Variants in KCNN4 observed in about 807,000 individuals in gnomAD.
The protein encoded by KCNN4 is intermediate conductance calcium-activated potassium channel protein 4.
Under a neutral mutation model 45.2 loss-of-function variants are expected in KCNN4, and 31 were observed. The ratio of observed to expected loss-of-function variants is 0.69; its 90% CI spans 0.52 to 0.92. The LOEUF is 0.92. KCNN4 is among the 40% of genes least tolerant of loss of function. The pLI is 0.00. For missense variants in KCNN4, 463 were observed against 574.0 expected (o/e 0.81, Z 1.98); for synonymous variants, 231 against 254.6 (o/e 0.91, Z 0.88).
chr19:43,771,021 C>A (rs1462078822), intron 4 of KCNN4, among the ~76,000 whole-genome samples: 1 of 152,172 alleles, frequency 6.6e-6, no homozygotes, highest in Non-Finnish European at 1.5e-5. Context: ...ATATGTCCTT[C>A]CTAGGCCCAC....
intron 2 of KCNN4, among the ~76,000 whole-genome samples, chr19:43,776,332 G>T (rs975491803): frequency 6.6e-6 from 1 of 151,378 alleles, no homozygotes; most frequent in Non-Finnish European, 1.5e-5. Context: ...GGGGGCTGGG[G>T]ACTACAGGGG....
intron 1 of KCNN4, among the ~76,000 whole-genome samples, chr19:43,780,323 T>C (rs2146473315): frequency 1.3e-5 from 2 of 150,778 alleles, no homozygotes; most frequent in South Asian, 4.2e-4. Flanking sequence ...AAGCCCCTCC[T>C]CCCTCAGACC....
rs1969497857 is a variant in KCNN4, at chr19:43,767,061, G to T, written c.*32C>A. 1.7e-5 allele frequency: 3 copies of T among 173,324 alleles called. No individual in the cohort carries two copies. In the South Asian group the frequency reaches 3.8e-4, roughly 22 times the overall value. The allele number at this position is 173,324 out of a possible 1,614,324, so 10.7% of individuals were successfully genotyped here. On this transcript the variant is annotated 3_prime_UTR_variant, in exon 9 of 9. Transcript: ENST00000648319. ...CGATGTCCACCACCTCAGTACTGGG[G>T]AAAGTAGCCTGGTTCCTCCTCGTGG...
At chr19:43,775,093 C>T (rs1005499969) in intron 2 of KCNN4, among the ~76,000 whole-genome samples, 1 of 152,146 alleles carries the variant, frequency 6.6e-6, no homozygotes, top group Admixed American at 6.5e-5. Context: ...TGGGAGGCTG[C>T]GGTGGGTGGA....
rs771034051 is a variant in KCNN4, at chr19:43,774,395, G to C, written c.480C>G (p.Leu160=). 6.2e-7 allele frequency: 1 copy of C among 1,601,506 alleles called. No individual in the cohort carries two copies. Among genetic ancestry groups the C allele is most frequent in the Non-Finnish European group, 8.5e-7 (1 of 1,174,408 alleles). ...GGAGCACGGCGCGGGGCACCAGGTAGAGACGCAGCAGCATGGCCAGGGACA... is the reference window on the plus strand; with the variant it reads ...GGAGCACGGCGCGGGGCACCAGGTACAGACGCAGCAGCATGGCCAGGGACA... ...ALLSLAMLLR[L]YLVPRAVLLR... is the part of the protein sequence containing the mutation. Residue 160 remains leucine (L), a synonymous_variant, in exon 3 of 9, where the codon CTC becomes CTG. Transcript: ENST00000648319. This position sits in a 1 kb window ranked among gnomAD's most constrained non-coding sequence, Gnocchi z 5.6.
chr19:43,774,311 G>C lies in KCNN4; in HGVS notation c.564C>G (p.Val188=), dbSNP rs774565459. The C allele has an allele frequency of 3.7e-6, 6 of 1,612,092 alleles. No homozygotes were observed. In the African/African-American group the frequency reaches 6.7e-5, roughly 18 times the overall value. Residue 188 remains valine, a synonymous_variant, in exon 3 of 9, where the codon GTC becomes GTG. Coordinates refer to ENST00000648319, the MANE Select transcript of KCNN4 (RefSeq NM_002250.3). The surrounding 1 kb of genome is among the most constrained non-coding windows in gnomAD (Gnocchi z 5.6). The part of the protein sequence containing the change: ...SYRSIGALNQ[V]RFRHWFVAKL... ...TGGCCACGAACCAGTGGCGGAAGCG[G>C]ACTTGATTGAGAGCGCCGATGCTGC...
rs1359738882 is a variant in KCNN4, at chr19:43,769,135, CAAAG to C, written c.1050-107_1050-104del. ...AGGAGAGGCACATGAAGAAACAAAA[CAAAG>C]AAACAAAGTTGTCGAAGAGCTGAAA... On this transcript the variant is annotated intron_variant, in intron 6 of 8. Transcript: ENST00000648319. This position sits in a 1 kb window ranked among gnomAD's most constrained non-coding sequence, Gnocchi z 4.4. The C allele has an allele frequency of 1.6e-6, 2 of 1,277,134 alleles. No homozygotes were observed. The highest frequency in any genetic ancestry group is 1.5e-5 in the African/African-American group (1 of 68,064). 79.1% of individuals were successfully genotyped at this position (1,277,134 alleles called of 1,614,324 possible). A position where few individuals can be genotyped will look rare whatever the true frequency, so the allele number is the denominator to read the frequency against.
rs1189371678 is a variant in KCNN4, at chr19:43,769,866, C to T, written c.820-37G>A. On this transcript the variant is annotated intron_variant, in intron 4 of 8. Transcript: ENST00000648319. The surrounding 1 kb of genome is among the most constrained non-coding windows in gnomAD (Gnocchi z 4.4). ...GCAGGCACCGTGGCATGAGGCTGTG[C>T]CACCGACTCCCTCCTTGAACCCGCC... 1 of 1,460,894 alleles carries T rather than the reference C, an allele frequency of 6.8e-7. No homozygotes were observed. The highest frequency in any genetic ancestry group is 9.5e-7 in the Non-Finnish European group (1 of 1,056,012). 90.5% of individuals were successfully genotyped at this position (1,460,894 alleles called of 1,614,324 possible). A position where few individuals can be genotyped will look rare whatever the true frequency, so the allele number is the denominator to read the frequency against.
At position 43,774,240 on chromosome 19, in the gene KCNN4, G is replaced by T; in HGVS notation, c.635C>A (p.Thr212Lys). Residue 212 changes from threonine (T) to lysine (K), a missense_variant, in exon 3 of 9, where the codon ACG (threonine) becomes AAG (lysine). Transcript: ENST00000648319. This position sits in a 1 kb window ranked among gnomAD's most constrained non-coding sequence, Gnocchi z 5.6. ...THPGRLLLGL[T>K]LGLWLTTAWV... ...GGCGGTGGTCAGCCAGAGGCCAAGC[G>T]TGAGGCCGAGCAGCAGGCGGCCAGG... 3 of 1,613,314 alleles carry T rather than the reference G, an allele frequency of 1.9e-6. No homozygotes were observed. The highest frequency in any genetic ancestry group is 2.5e-6 in the Non-Finnish European group (3 of 1,179,694).
chr19:43,769,602 C>T lies in KCNN4; in HGVS notation c.931-42G>A, dbSNP rs201657302. ...CAGTGTCCGTGGAGATAGACCCTTA[C>T]GGTTCTGGGAAGGCAGGGCTAGGGC... On this transcript the variant is annotated intron_variant, in intron 5 of 8. Transcript: ENST00000648319. The surrounding 1 kb of genome is among the most constrained non-coding windows in gnomAD (Gnocchi z 4.4). The T allele has an allele frequency of 2.5e-5, 40 of 1,592,998 alleles. No homozygotes were observed. The highest frequency in any genetic ancestry group is 3.3e-5 in the Non-Finnish European group (38 of 1,160,942).
chr19:43,775,081 T>C (rs1464486113), intron 2 of KCNN4, among the ~76,000 whole-genome samples: 1 of 152,222 alleles, frequency 6.6e-6, no homozygotes, highest in African/African-American at 2.4e-5. Context: ...ATCCCAGCAC[T>C]TTGGGAGGCT....
chr19:43,772,234 T>C lies in KCNN4; in HGVS notation c.684-99A>G. The C allele has an allele frequency of 7.8e-7, 1 of 1,277,318 alleles. No homozygotes were observed. The highest frequency in any genetic ancestry group is 1.1e-6 in the Non-Finnish European group (1 of 926,182). The allele number at this position is 1,277,318 out of a possible 1,614,324, so 79.1% of individuals were successfully genotyped here. On this transcript the variant is annotated intron_variant, in intron 3 of 8. Transcript: ENST00000648319. The surrounding 1 kb of genome is among the most constrained non-coding windows in gnomAD (Gnocchi z 4.4). ...TACCCTCCCATCCCCTTCCCTCTGGTTCCCTCCCTTCCCCTCCCAGTATAC... is the reference window on the plus strand; with the variant it reads ...TACCCTCCCATCCCCTTCCCTCTGGCTCCCTCCCTTCCCCTCCCAGTATAC...
Position 43,772,242 on chromosome 19 carries a change from C to A in KCNN4, c.684-107G>T. Reference sequence around the variant, plus strand: ...CATCCCCTTCCCTCTGGTTCCCTCCCTTCCCCTCCCAGTATACACCCATAG... The same window carrying A: ...CATCCCCTTCCCTCTGGTTCCCTCCATTCCCCTCCCAGTATACACCCATAG... On this transcript the variant is annotated intron_variant, in intron 3 of 8. Transcript: ENST00000648319. The surrounding 1 kb of genome is among the most constrained non-coding windows in gnomAD (Gnocchi z 4.4). The A allele has an allele frequency of 1.6e-6, 2 of 1,235,558 alleles. No individual in the cohort carries two copies. The highest frequency in any genetic ancestry group is 2.2e-6 in the Non-Finnish European group (2 of 890,658). 76.5% of individuals were successfully genotyped at this position (1,235,558 alleles called of 1,614,324 possible). A position where few individuals can be genotyped will look rare whatever the true frequency, so the allele number is the denominator to read the frequency against.
intron 1 of KCNN4, among the ~76,000 whole-genome samples, chr19:43,777,997 C>A (rs1287449957): frequency 6.6e-6 from 1 of 152,180 alleles, no homozygotes; most frequent in Non-Finnish European, 1.5e-5. Context: ...CCCCCACCTT[C>A]TATGGCTCCC....
At chr19:43,777,152 T>C (rs973156930) in intron 1 of KCNN4, among the ~76,000 whole-genome samples, 6 of 152,000 alleles carry the variant, frequency 3.9e-5, no homozygotes, top group African/African-American at 1.5e-4. Flanking sequence ...ATGCTCTCTT[T>C]CTCCCCAACA....
chr19:43,780,713 C>A lies in KCNN4; in HGVS notation c.149G>T (p.Gly50Val), dbSNP rs1397933463. ...MVLHAEMLWF[G>V]GCSWALYLFL... ...CCATGCCCCACTCACCGAGCACCCCCCGAACCACAGCATCTCTGCATGCAG... is the reference window on the plus strand; with the variant it reads ...CCATGCCCCACTCACCGAGCACCCCACGAACCACAGCATCTCTGCATGCAG... Residue 50 changes from glycine to valine, a missense_variant, in exon 1 of 9, where the codon GGG becomes GTG. Around this residue, in one of 3 missense-constraint regions of KCNN4, gnomAD observed 225 missense variants for 240.9 expected, o/e 0.93. Coordinates refer to ENST00000648319, the MANE Select transcript of KCNN4 (RefSeq NM_002250.3). The A allele has an allele frequency of 1.9e-6, 3 of 1,613,190 alleles. No individual in the cohort carries two copies. The highest frequency in any genetic ancestry group is 4.5e-5 in the East Asian group (2 of 44,810).
chr19:43,776,154 A>G lies in KCNN4; in HGVS notation c.255+387T>C, dbSNP rs962680313. Among the ~76,000 whole-genome samples, 9 of 134,632 alleles carry G rather than the reference A, an allele frequency of 6.7e-5. No homozygotes were observed. The East Asian group carries it at 1.8e-3, about 26-fold the overall frequency. 88.3% of individuals were successfully genotyped at this position (134,632 alleles called of 152,430 possible). A position where few individuals can be genotyped will look rare whatever the true frequency, so the allele number is the denominator to read the frequency against. ...AAAAAAAAAAAAAAAAAAAAAAAAA[A>G]AAGGAGTGGGCAGCCCTAGGACCTT... On this transcript the variant is annotated intron_variant, in intron 2 of 8. Transcript: ENST00000648319.
chr19:43,769,483 A>T lies in KCNN4; in HGVS notation c.1008T>A (p.Ala336=). ...GCAGCTTGCGCTGATGCCTGCGGGC[A>T]GCATGAGACTCCTTCCTGCGAGTAT... The part of the protein sequence containing the change: ...YKHTRRKESH[A]ARRHQRKLLA... The change falls in exon 6 of 9, where the codon GCT becomes GCA. Residue 336 remains alanine, a synonymous_variant. Transcript: ENST00000648319. This position sits in a 1 kb window ranked among gnomAD's most constrained non-coding sequence, Gnocchi z 4.4. 6.2e-7 allele frequency: 1 copy of T among 1,614,248 alleles called. No homozygotes were observed. Among genetic ancestry groups the T allele is most frequent in the Non-Finnish European group, 8.5e-7 (1 of 1,180,044 alleles).
rs11878925 is a variant in KCNN4 at position 43,780,369 on chromosome 19, T to C, written c.159+334A>G. 5.8e-3 allele frequency among the ~76,000 whole-genome samples: 461 copies of C among 79,564 alleles called. 1 individual carries two copies. The highest frequency in any genetic ancestry group is 8.6e-3 in the Admixed American group (68 of 7,892). 52.2% of individuals were successfully genotyped at this position (79,564 alleles called of 152,430 possible). The stretch of plus-strand genomic sequence containing the variant: ...GGCCCCCAACCTCTCCTCCCTCAGA[T>C]CCAGGAGTCCTGACCCCCAGCCCCT... On this transcript the variant is annotated intron_variant, in intron 1 of 8. Transcript: ENST00000648319.
Sources: allele counts gnomAD v4.1 joint callset (sites outside exome capture counted in the v4.1 genomes callset), GRCh38; gene constraint gnomAD v4.1.1; regional missense constraint gnomAD v4.1.1; non-coding constraint Gnocchi (gnomAD v3.1); transcripts MANE v1.5; gene names NCBI Gene and HGNC (gene_info 2026-07-23, HGNC 2026-07-21).